Variants in PRUNE2 observed in about 807,000 individuals in gnomAD.
PRUNE2 encodes the protein protein prune homolog 2.
A neutral mutation model predicts 252.0 loss-of-function variants in PRUNE2; 164 were observed. That is an observed-to-expected ratio of 0.65 (90% CI 0.57 to 0.74). The LOEUF (loss-of-function observed/expected upper bound fraction) is 0.74. PRUNE2 is among the 30% of genes least tolerant of loss of function. PRUNE2 has a pLI of 0.00. For synonymous variants in PRUNE2, 1,292 were observed against 1,350.2 expected, an observed-to-expected ratio of 0.96 and a Z score of 0.94; for missense variants, 3,495 against 3,711.0, an observed-to-expected ratio of 0.94 and a Z score of 1.51.
chr9:76,625,607 G>A (rs578010750), intron 16 of PRUNE2, among the ~76,000 whole-genome samples: 40 of 152,202 alleles, frequency 2.6e-4, no homozygotes, highest in South Asian at 1.7e-3. Context: ...CTCATTATTT[G>A]CAGATTCTAT....
At chr9:76,713,775 A>G in intron 6 of PRUNE2, 54 bp from the exon 7 acceptor site, 2 of 1,333,946 alleles carry the variant, frequency 1.5e-6, no homozygotes, top group Non-Finnish European at 2.1e-6. Context: ...AGCTGCGGGG[A>G]GTTGTTCCAC....
At chr9:76,625,815 A>G (rs1834436293) in intron 16 of PRUNE2, among the ~76,000 whole-genome samples, 2 of 152,048 alleles carry the variant, frequency 1.3e-5, no homozygotes, top group African/African-American at 4.8e-5. Flanking sequence ...CAACCTTTTT[A>G]GTGCCTTTTT....
chr9:76,640,497 C>A (rs1016474821), intron 12 of PRUNE2, among the ~76,000 whole-genome samples: 1 of 152,160 alleles, frequency 6.6e-6, no homozygotes, highest in African/African-American at 2.4e-5. Flanking sequence ...TTAGAAGATG[C>A]TACCTATGTA....
intron 4 of PRUNE2, among the ~76,000 whole-genome samples, chr9:76,838,540 G>A (rs914315824): frequency 2.6e-5 from 4 of 151,692 alleles, no homozygotes; most frequent in African/African-American, 4.8e-5. Flanking sequence ...AGCCACTTGG[G>A]AGGCTGAGGC....
intron 10 of PRUNE2, among the ~76,000 whole-genome samples, chr9:76,653,501 G>A (rs577864231): frequency 1.4e-4 from 22 of 152,248 alleles, no homozygotes; most frequent in Middle Eastern, 3.4e-3. Context: ...TACATGTTCA[G>A]TACAGATGCG....
intron 4 of PRUNE2, among the ~76,000 whole-genome samples, chr9:76,841,519 G>A (rs1481642124): frequency 6.6e-6 from 1 of 152,208 alleles, no homozygotes; most frequent in East Asian, 1.9e-4. Flanking sequence ...AAGTGGTCTA[G>A]CTCAGTGGAT....
intron 10 of PRUNE2, among the ~76,000 whole-genome samples, chr9:76,653,931 C>T (rs1341349814): frequency 6.6e-6 from 1 of 152,126 alleles, no homozygotes; most frequent in Non-Finnish European, 1.5e-5. Context: ...TTTAACCAAG[C>T]TTAAACTAAC....
intron 6 of PRUNE2, among the ~76,000 whole-genome samples, chr9:76,768,583 ATGTGTGTGTGTGTG>A (rs55793596): frequency 0.013 from 1,318 of 103,344 alleles, 18 homozygotes; most frequent in African/African-American, 0.04. Context: ...ATGTATATGT[ATGTGTGTGTGTGTG>A]TGTGTGTGTG....
chr9:76,616,708 A>G (rs530962896), intron 18 of PRUNE2, among the ~76,000 whole-genome samples: 3 of 152,306 alleles, frequency 2.0e-5, no homozygotes, highest in African/African-American at 7.2e-5. Context: ...AAAGTGAACA[A>G]TTTTCTTGTA....
At chr9:76,695,040 A>G (rs1448325869) in intron 9 of PRUNE2, among the ~76,000 whole-genome samples, 1 of 151,214 alleles carries the variant, frequency 6.6e-6, no homozygotes, top group Non-Finnish European at 1.5e-5. Context: ...AAAAAAAGTT[A>G]TTATTATTAT....
At chr9:76,665,337 C>T (rs2039921293) in intron 9 of PRUNE2, among the ~76,000 whole-genome samples, 1 of 152,146 alleles carries the variant, frequency 6.6e-6, no homozygotes, top group Non-Finnish European at 1.5e-5. Flanking sequence ...TCGCCTCCAT[C>T]CCACAGAATC....
intron 9 of PRUNE2, among the ~76,000 whole-genome samples, chr9:76,678,635 C>T (rs1386220787): frequency 6.6e-6 from 1 of 152,040 alleles, no homozygotes; most frequent in Admixed American, 6.6e-5. Context: ...AGAGACCATC[C>T]TGGCTAACAC....
Position 76,704,144 on chromosome 9 carries a change from T to C in PRUNE2, c.7514-45A>G, listed in dbSNP as rs554426254. 6.6e-6 allele frequency: 9 copies of C among 1,357,300 alleles called. No individual in the cohort carries two copies. The East Asian group carries it at 2.1e-4, about 31-fold the overall frequency. 84.1% of individuals were successfully genotyped at this position (1,357,300 alleles called of 1,614,324 possible). A position where few individuals can be genotyped will look rare whatever the true frequency, so the allele number is the denominator to read the frequency against. On this transcript the variant is annotated intron_variant, in intron 8 of 18. Transcript: ENST00000376718. ...GTGAGAAGAGGAGAAAAAGGTTTAA[T>C]TAACACATTGTGTGATTTGTGATCC...
At chr9:76,820,845 T>C (rs1490340611) in intron 6 of PRUNE2, among the ~76,000 whole-genome samples, 2 of 152,202 alleles carry the variant, frequency 1.3e-5, no homozygotes, top group Non-Finnish European at 2.9e-5. Flanking sequence ...GTGGCTTTGC[T>C]TTCCTAGCTG....
rs1210947985 is a variant in PRUNE2, at chr9:76,655,437, G to A, written c.8342C>T (p.Ala2781Val). Residue 2781 changes from alanine to valine, a missense_variant, in exon 10 of 19, where the codon GCA becomes GTA. Ala to Val is a moderately conservative substitution (Grantham distance 64). Transcript: ENST00000376718. ...GCTGCTCTCACCAGGCCTCATGTCT[G>A]CAGCACTGGGACTCAGCACGCCCTC... ...FEEGVLSPSA[A>V]DMRPEPPNSL... 2.5e-6 allele frequency: 4 copies of A among 1,611,262 alleles called. No homozygotes were observed. Among genetic ancestry groups the A allele is most frequent in the Non-Finnish European group, 3.4e-6 (4 of 1,178,310 alleles).
intron 6 of PRUNE2, among the ~76,000 whole-genome samples, chr9:76,800,819 A>G (rs981753136): frequency 6.6e-6 from 1 of 152,214 alleles, no homozygotes; most frequent in Non-Finnish European, 1.5e-5. Flanking sequence ...GCTGTCATAG[A>G]GTGGAAACAA....
chr9:76,766,792 G>A (rs1049447131), intron 6 of PRUNE2, among the ~76,000 whole-genome samples: 3 of 152,190 alleles, frequency 2.0e-5, no homozygotes, highest in African/African-American at 7.2e-5. Context: ...TTATCACATA[G>A]GGAGTCCAAA....
At chr9:76,759,766 T>A (rs2051515020) in intron 6 of PRUNE2, 1 of 152,332 alleles carries the variant, frequency 6.6e-6, no homozygotes, top group Admixed American at 6.5e-5. Flanking sequence ...TGGTTAACAC[T>A]TAAGCCATCT....
intron 4 of PRUNE2, among the ~76,000 whole-genome samples, chr9:76,838,123 C>A (rs563726735): frequency 6.6e-6 from 1 of 151,474 alleles, no homozygotes; most frequent in East Asian, 1.9e-4. Context: ...GATCCTATTC[C>A]TTTCTGTACT....
Sources: gnomAD v4.1 joint callset for allele counts (sites outside exome capture counted in the v4.1 genomes callset) on GRCh38, gnomAD v4.1.1 for gene constraint, MANE v1.5 for transcripts, NCBI Gene and HGNC (gene_info 2026-07-23, HGNC 2026-07-21) for gene names.